The following CASP10 variants were observed in gnomAD, a reference collection of about 807,000 sequenced individuals.
CASP10 encodes the protein caspase 10, also known as caspase-10.
In CASP10, 41 loss-of-function variants were observed where a neutral mutation model predicts 48.5. The observed-to-expected ratio is 0.85, with a 90% CI of 0.66 to 1.10. The LOEUF (loss-of-function observed/expected upper bound fraction) is 1.10. Among genes scored for constraint, CASP10 ranks in the 50% least tolerant of loss-of-function variants. The pLI is 0.00. For missense variants in CASP10, 614 were observed against 614.5 expected (o/e 1.00, Z 0.01); for synonymous variants, 232 against 238.4 (o/e 0.97, Z 0.25).
chr2:201,225,764 G>A (rs1343701138), downstream of CASP10, among the ~76,000 whole-genome samples: 1 of 152,202 alleles, frequency 6.6e-6, no homozygotes, highest in Non-Finnish European at 1.5e-5. Flanking sequence ...CTGAGGTCAG[G>A]AGTTCAAGAC....
intron 9 of CASP10, among the ~76,000 whole-genome samples, chr2:201,215,236 T>G (rs13028499): frequency 1.4e-5 from 1 of 71,986 alleles, no homozygotes. Flanking sequence ...TTTTTTTTTT[T>G]GCCGTGCAAA....
In CASP10 at chr2:201,221,240, C is replaced by T. The variant is rs546715677; in HGVS notation, c.*3499C>T. On this transcript the variant is annotated 3_prime_UTR_variant, in exon 10 of 10. Coordinates refer to ENST00000286186, the MANE Select transcript of CASP10 (RefSeq NM_032977.4). ...TCCCTCACTGGTTCGTGATGTCTAC[C>T]GCAGCAGAAGGCCAGCTCTTGACTC... The T allele has an allele frequency of 7.1e-6, 7 of 985,406 alleles. No individual in the cohort carries two copies. The highest frequency in any genetic ancestry group is 1.1e-4 in the East Asian group (1 of 8,814). The allele number at this position is 985,406 out of a possible 1,614,324, so 61.0% of individuals were successfully genotyped here.
chr2:201,206,124 C>A (rs557617783), intron 7 of CASP10, 151 bp downstream of exon 7: 2 of 589,066 alleles, frequency 3.4e-6, no homozygotes, highest in East Asian at 6.1e-5. Context: ...CTTGTTTCTC[C>A]CTCTCTCTGT....
chr2:201,190,703 C>T (rs981510643), intron 3 of CASP10, among the ~76,000 whole-genome samples: 8 of 152,062 alleles, frequency 5.3e-5, no homozygotes, highest in African/African-American at 1.4e-4. Flanking sequence ...GGGTGAGGGA[C>T]GAGAGAAAGG....
intron 2 of CASP10, among the ~76,000 whole-genome samples, chr2:201,187,053 CT>C (rs1386177138): frequency 6.6e-6 from 1 of 152,138 alleles, no homozygotes; most frequent in Non-Finnish European, 1.5e-5. Context: ...GAAGAGGAGC[CT>C]TTGGAGGGTG....
Position 201,185,824 on chromosome 2 carries a change from G to A in CASP10, c.47G>A (p.Cys16Tyr). ...TGGTATTCCAGTTCAGATAAAAACTGTAAAGTGAGCTTTCGTGAGAAGCTT... is the reference window on the plus strand; with the variant it reads ...TGGTATTCCAGTTCAGATAAAAACTATAAAGTGAGCTTTCGTGAGAAGCTT... ...QHWYSSSDKNCKVSFREKLLI... is the reference protein window; with the variant it reads ...QHWYSSSDKNYKVSFREKLLI... The change falls in exon 2 of 10, where the codon TGT becomes TAT. Residue 16 changes from cysteine (C) to tyrosine (Y), a missense_variant. By Grantham distance (194) the Cys-to-Tyr change is radical. Transcript: ENST00000286186. The A allele has an allele frequency of 2.5e-6, 4 of 1,614,124 alleles. No individual in the cohort carries two copies. The highest frequency in any genetic ancestry group is 3.4e-6 in the Non-Finnish European group (4 of 1,179,994).
At chr2:201,185,321 G>A (rs1944377098) in intron 1 of CASP10, among the ~76,000 whole-genome samples, 1 of 152,116 alleles carries the variant, frequency 6.6e-6, no homozygotes, top group Admixed American at 6.6e-5. Flanking sequence ...GCTGTCTTTG[G>A]GTTGATAGAT....
At chr2:201,215,691 G>A (rs971394476) in intron 9 of CASP10, among the ~76,000 whole-genome samples, 4 of 152,096 alleles carry the variant, frequency 2.6e-5, no homozygotes, top group Non-Finnish European at 4.4e-5. Flanking sequence ...GTGGTGGGAT[G>A]CCTCCAGTTT....
Position 201,218,061 on chromosome 2 carries a change from G to A in CASP10, c.*320G>A. Reference sequence around the variant, plus strand: ...CCCAAGTAGCTGGGACCACAGGTGTGTACCACCGTGCCCGGATTTTTTTTA... The same window carrying A: ...CCCAAGTAGCTGGGACCACAGGTGTATACCACCGTGCCCGGATTTTTTTTA... On this transcript the variant is annotated 3_prime_UTR_variant, in exon 10 of 10. Coordinates refer to ENST00000286186, the MANE Select transcript of CASP10 (RefSeq NM_032977.4). The A allele has an allele frequency of 1.4e-6, 1 of 709,010 alleles. No homozygotes were observed. Among genetic ancestry groups the A allele is most frequent in the Non-Finnish European group, 2.0e-6 (1 of 510,590 alleles). The allele number at this position is 709,010 out of a possible 1,614,324, so 43.9% of individuals were successfully genotyped here. A position where few individuals can be genotyped will look rare whatever the true frequency, so the allele number is the denominator to read the frequency against.
At chr2:201,197,461 C>G (rs1472893939) in intron 5 of CASP10, among the ~76,000 whole-genome samples, 2 of 151,998 alleles carry the variant, frequency 1.3e-5, no homozygotes, top group African/African-American at 2.4e-5. Flanking sequence ...CTAAAAATAC[C>G]AAAATTAGCT....
chr2:201,219,489 C>G lies in CASP10; in HGVS notation c.*1748C>G. On this transcript the variant is annotated 3_prime_UTR_variant, in exon 10 of 10. Coordinates refer to ENST00000286186, the MANE Select transcript of CASP10 (RefSeq NM_032977.4). The stretch of plus-strand genomic sequence containing the variant: ...CCTCAGGGCTGGCAGATGCAGTAGA[C>G]TGCAGTGGACAGTCCCCACCTTGTT... 3.0e-6 allele frequency: 3 copies of G among 985,440 alleles called. No homozygotes were observed. Among genetic ancestry groups the G allele is most frequent in the Non-Finnish European group, 3.6e-6 (3 of 829,956 alleles). The allele number at this position is 985,440 out of a possible 1,614,324, so 61.0% of individuals were successfully genotyped here. A position where few individuals can be genotyped will look rare whatever the true frequency, so the allele number is the denominator to read the frequency against.
chr2:201,203,192 A>G (rs928174280), intron 5 of CASP10, among the ~76,000 whole-genome samples: 1 of 152,096 alleles, frequency 6.6e-6, no homozygotes, highest in Non-Finnish European at 1.5e-5. Context: ...TAATGCTGCA[A>G]TGAGTAAGTA....
At chr2:201,184,618 C>T (rs976760298) in intron 1 of CASP10, among the ~76,000 whole-genome samples, 6 of 152,236 alleles carry the variant, frequency 3.9e-5, no homozygotes, top group Non-Finnish European at 7.3e-5. Context: ...GCCATGACAC[C>T]CCACCTGTTC....
At chr2:201,206,020 T>C (rs756686626) in intron 7 of CASP10, 47 bp downstream of exon 7, 38 of 1,288,566 alleles carry the variant, frequency 2.9e-5, no homozygotes, top group Admixed American at 7.4e-5. Context: ...AAATTTTTTT[T>C]CCAAATTTAA....
chr2:201,199,873 A>C (rs1944951897), intron 5 of CASP10, among the ~76,000 whole-genome samples: 1 of 152,040 alleles, frequency 6.6e-6, no homozygotes. Context: ...CATGCTTGGC[A>C]TAGTCTCCTT....
chr2:201,196,455 G>C (rs1364284102), intron 5 of CASP10, among the ~76,000 whole-genome samples: 1 of 152,168 alleles, frequency 6.6e-6, no homozygotes, highest in African/African-American at 2.4e-5. Context: ...GGTTTCTGTG[G>C]TGCTCAGCTC....
At chr2:201,205,763 T>C in intron 6 of CASP10, 119 bp from the exon 7 acceptor site, 1 of 717,566 alleles carries the variant, frequency 1.4e-6, no homozygotes, top group Non-Finnish European at 2.6e-6. Flanking sequence ...GGTGGCTGAA[T>C]TTGTCTCAGG....
intron 3 of CASP10, among the ~76,000 whole-genome samples, chr2:201,191,955 T>A (rs1462684314): frequency 1.6e-4 from 24 of 152,234 alleles, no homozygotes; most frequent in Admixed American, 1.5e-3. Flanking sequence ...GTTAAACTAA[T>A]GTCCAGGTCC....
At chr2:201,189,663 T>C (rs1222928037) in intron 3 of CASP10, among the ~76,000 whole-genome samples, 4 of 152,130 alleles carry the variant, frequency 2.6e-5, no homozygotes, top group Non-Finnish European at 5.9e-5. Context: ...TTTAAACATA[T>C]GTGAGGTATT....
Sources: allele counts gnomAD v4.1 joint callset (sites outside exome capture counted in the v4.1 genomes callset), GRCh38; gene constraint gnomAD v4.1.1; transcripts MANE v1.5; gene names NCBI Gene and HGNC (gene_info 2026-07-23, HGNC 2026-07-21).